RABL2B: variants seen among roughly 807,000 people sequenced by gnomAD.
RABL2B encodes the protein rab-like protein 2B.
A neutral mutation model predicts 26.7 loss-of-function variants in RABL2B; 17 were observed. The observed-to-expected ratio is 0.64, with a 90% CI of 0.44 to 0.95. The LOEUF is 0.95. Among genes scored for constraint, RABL2B ranks in the 40% least tolerant of loss-of-function variants. RABL2B has a pLI of 0.00. For missense variants in RABL2B, 170 were observed against 277.2 expected, an observed-to-expected ratio of 0.61 and a Z score of 2.75; for synonymous variants, 70 against 103.9, an observed-to-expected ratio of 0.67 and a Z score of 1.99.
chr22:50,768,627 C>T lies in RABL2B; in HGVS notation c.*149G>A, dbSNP rs1235206094. The T allele has an allele frequency of 2.4e-5, 36 of 1,472,788 alleles. No individual in the cohort carries two copies. The highest frequency in any genetic ancestry group is 2.4e-4 in the Middle Eastern group (1 of 4,142). The allele number at this position is 1,472,788 out of a possible 1,614,324, so 91.2% of individuals were successfully genotyped here. A position where few individuals can be genotyped will look rare whatever the true frequency, so the allele number is the denominator to read the frequency against. On this transcript the variant is annotated 3_prime_UTR_variant, in exon 9 of 9. Coordinates refer to ENST00000691320, the MANE Select transcript of RABL2B (RefSeq NM_001130919.3). ...TGGTGCTGACCTCATCCCTGTATCA[C>T]GGGCCTAGAATGTGGGAGGCTAATA...
intron 7 of RABL2B, 79 bp downstream of exon 7, chr22:50,769,376 C>T: frequency 1.2e-6 from 2 of 1,612,026 alleles, no homozygotes; most frequent in Non-Finnish European, 1.7e-6. Flanking sequence ...ATCACACCTG[C>T]AGTAAGCCCT....
At chr22:50,781,210 GGCA>G (rs1226584789) in intron 2 of RABL2B, among the ~76,000 whole-genome samples, 1 of 152,032 alleles carries the variant, frequency 6.6e-6, no homozygotes, top group Non-Finnish European at 1.5e-5. Context: ...TGGGTGTGGT[GGCA>G]GGCGCCTGTA....
At chr22:50,771,362 C>T (rs1308340412) in intron 5 of RABL2B, 1 of 146,390 alleles carries the variant, frequency 6.8e-6, no homozygotes, top group Non-Finnish European at 1.5e-5. Context: ...CTGCAACCTC[C>T]ACTTCCTAGG....
At position 50,775,833 on chromosome 22, in the gene RABL2B, C is replaced by G. The variant is rs1555923317; in HGVS notation, c.236G>C (p.Gly79Ala). Reference sequence around the variant, plus strand: ...ATGCATGCTCTGGAACCGCTCCTGGCCTGCCGTGTCCCAAAAGTCTGCAAT... The same window carrying G: ...ATGCATGCTCTGGAACCGCTCCTGGGCTGCCGTGTCCCAAAAGTCTGCAAT... Reference protein sequence around the residue: ...TILVDFWDTAGQERFQSMHAS... With the variant: ...TILVDFWDTAAQERFQSMHAS... Residue 79 changes from glycine (G) to alanine (A), a missense_variant, in exon 5 of 9, where the codon GGC becomes GCC. Physicochemically the swap from Gly to Ala is moderately conservative, Grantham distance 60. Transcript: ENST00000691320. 2 of 1,614,088 alleles carry G rather than the reference C, an allele frequency of 1.2e-6. No individual in the cohort carries two copies. The highest frequency in any genetic ancestry group is 1.6e-4 in the Middle Eastern group (1 of 6,084).
In RABL2B at chr22:50,781,851, T is replaced by G. The variant is rs376555205; in HGVS notation, c.107+337A>C. ...ATCTTTACCACCTTTACCCAATCTG[T>G]CACGGTGGCATAGTCACTTTTGTCT... On this transcript the variant is annotated intron_variant, in intron 2 of 8. Transcript: ENST00000691320. Among the ~76,000 whole-genome samples the G allele has an allele frequency of 8.2e-4, 123 of 150,188 alleles. 2 individuals are homozygous for G. The East Asian group carries it at 0.019, about 24-fold the overall frequency.
intron 2 of RABL2B, among the ~76,000 whole-genome samples, chr22:50,778,652 C>T (rs1313614014): frequency 6.6e-6 from 1 of 150,902 alleles, no homozygotes; most frequent in Non-Finnish European, 1.5e-5. Context: ...TTTTCTCTCC[C>T]TCTGTTCTAG....
intron 5 of RABL2B, 21 bp from the exon 6 acceptor site, chr22:50,770,037 A>G: frequency 6.2e-7 from 1 of 1,613,848 alleles, no homozygotes; most frequent in Non-Finnish European, 8.5e-7. Flanking sequence ...CAGAGGAAGA[A>G]AGATAGCTCA....
At chr22:50,781,391 G>C (rs1253622435) in intron 2 of RABL2B, among the ~76,000 whole-genome samples, 3 of 120,824 alleles carry the variant, frequency 2.5e-5, no homozygotes, top group Non-Finnish European at 3.6e-5. Context: ...ATGTGATTGT[G>C]TGGTGGGGAA....
chr22:50,767,990 C>T lies in RABL2B; in HGVS notation c.*786G>A. 3.2e-6 allele frequency: 1 copy of T among 309,396 alleles called. No individual in the cohort carries two copies. The highest frequency in any genetic ancestry group is 6.3e-6 in the Non-Finnish European group (1 of 158,774). 19.2% of individuals were successfully genotyped at this position (309,396 alleles called of 1,614,324 possible). ...ATGATTGGGGCCGGGCGCGGTGGCT[C>T]ATGCCTGTAATCCCAGCACTTTGGG... On this transcript the variant is annotated 3_prime_UTR_variant, in exon 9 of 9. Transcript: ENST00000691320.
In RABL2B at chr22:50,775,144, C is replaced by T. The variant is rs548173814; in HGVS notation, c.297+628G>A. On this transcript the variant is annotated intron_variant, in intron 5 of 8. Transcript: ENST00000691320. ...CCTTTTCAGCATTTAAAAGTGGTGG[C>T]CTGAGAACCCAGCCAGGGAATTCAC... Among the ~76,000 whole-genome samples the T allele has an allele frequency of 7.9e-5, 12 of 152,286 alleles. No individual in the cohort carries two copies. The South Asian group carries it at 1.7e-3, about 21-fold the overall frequency.
intron 5 of RABL2B, among the ~76,000 whole-genome samples, chr22:50,775,267 C>A (rs1207877897): frequency 2.0e-5 from 3 of 152,152 alleles, no homozygotes; most frequent in Non-Finnish European, 4.4e-5. Context: ...ACTGCTTCAC[C>A]ACACCCGGGT....
chr22:50,772,612 C>T (rs2084352921), intron 5 of RABL2B: 5 of 1,016,874 alleles, frequency 4.9e-6, no homozygotes, highest in Non-Finnish European at 5.9e-6. Context: ...TAGGGGCTCG[C>T]CCTGTGTGGT....
Position 50,768,588 on chromosome 22 carries a change from A to G in RABL2B, c.*188T>C. Reference sequence around the variant, plus strand: ...AGATCTGGTGGGGAATTCTTCCACCAGTCCAGAGTTTGCTGGTGCTGACCT... The same window carrying G: ...AGATCTGGTGGGGAATTCTTCCACCGGTCCAGAGTTTGCTGGTGCTGACCT... On this transcript the variant is annotated 3_prime_UTR_variant, in exon 9 of 9. Transcript: ENST00000691320. The G allele has an allele frequency of 7.3e-7, 1 of 1,375,308 alleles. No individual in the cohort carries two copies. Among genetic ancestry groups the G allele is most frequent in the Non-Finnish European group, 9.7e-7 (1 of 1,033,930 alleles). 85.2% of individuals were successfully genotyped at this position (1,375,308 alleles called of 1,614,324 possible). A position where few individuals can be genotyped will look rare whatever the true frequency, so the allele number is the denominator to read the frequency against.
At chr22:50,772,320 C>T (rs1317983191) in intron 5 of RABL2B, 26 of 985,046 alleles carry the variant, frequency 2.6e-5, no homozygotes, top group South Asian at 4.7e-5. Flanking sequence ...TGAGTCACCG[C>T]GCCCAGCCTG....
chr22:50,773,369 A>G (rs2084474247), intron 5 of RABL2B, among the ~76,000 whole-genome samples: 1 of 152,218 alleles, frequency 6.6e-6, no homozygotes, highest in African/African-American at 2.4e-5. Flanking sequence ...TACCATCTGC[A>G]AAGGGTCAGA....
At chr22:50,774,847 G>T (rs1422580526) in intron 5 of RABL2B, among the ~76,000 whole-genome samples, 2 of 151,214 alleles carry the variant, frequency 1.3e-5, no homozygotes, top group African/African-American at 4.9e-5. Context: ...GTGTGATCTC[G>T]GCTCACTGCA....
intron 1 of RABL2B, among the ~76,000 whole-genome samples, chr22:50,782,611 G>C (rs868988802): frequency 1.2e-4 from 18 of 152,002 alleles, no homozygotes; most frequent in Middle Eastern, 3.4e-3. Flanking sequence ...AGTGCCAAAG[G>C]CTGTGTGCAA....
chr22:50,780,383 A>T (rs1424909194), intron 2 of RABL2B, among the ~76,000 whole-genome samples: 1 of 151,592 alleles, frequency 6.6e-6, no homozygotes, highest in African/African-American at 2.4e-5. Context: ...AGATATGATG[A>T]ACACAAGTGT....
At position 50,776,154 on chromosome 22, in the gene RABL2B, C is replaced by G. The variant is rs541986436; in HGVS notation, c.218-303G>C. Among the ~76,000 whole-genome samples the G allele has an allele frequency of 5.5e-3, 841 of 152,260 alleles. 28 individuals are homozygous for G. The highest frequency in any genetic ancestry group is 0.044 in the Admixed American group (678 of 15,294). ...AGTTCCCCGTTTCCCACGTGACACG[C>G]AGGGTCCTCTAAGTTCCAAACTATT... On this transcript the variant is annotated intron_variant, in intron 4 of 8. Transcript: ENST00000691320.
Sources: gnomAD v4.1 joint callset for allele counts (sites outside exome capture counted in the v4.1 genomes callset) on GRCh38, gnomAD v4.1.1 for gene constraint, MANE v1.5 for transcripts, NCBI Gene and HGNC (gene_info 2026-07-23, HGNC 2026-07-21) for gene names.